The following NCOR1 variants were observed in gnomAD, a reference collection of about 807,000 sequenced individuals.
NCOR1 encodes protein phosphatase 1, regulatory subunit 109.
In NCOR1, 63 loss-of-function variants were observed where a neutral mutation model predicts 288.1. The observed-to-expected ratio is 0.22, with a 90% CI of 0.18 to 0.27. The LOEUF is 0.27. Among genes scored for constraint, NCOR1 ranks in the 10% least tolerant of loss-of-function variants. The pLI is 1.00. For synonymous variants in NCOR1, 1,007 were observed against 1,065.9 expected (o/e 0.94, Z 1.08); for missense variants, 2,397 against 3,019.2 (o/e 0.79, Z 4.83).
At position 16,071,567 on chromosome 17, in the gene NCOR1, T is replaced by C; in HGVS notation, c.3994A>G (p.Ile1332Val). Residue 1332 changes from isoleucine to valine, a missense_variant, in exon 30 of 46, where the codon ATT becomes GTT. Ile to Val is a conservative substitution (Grantham distance 29). Coordinates refer to ENST00000268712, the MANE Select transcript of NCOR1 (RefSeq NM_006311.4). Reference protein sequence around the residue: ...SPPIRAFEGAITKGKPYDGIT... With the variant: ...SPPIRAFEGAVTKGKPYDGIT... ...CCATCATATGGTTTTCCTTTGGTAATGGCACCTTCAAATGCTCGTATGGGA... is the reference window on the plus strand; with the variant it reads ...CCATCATATGGTTTTCCTTTGGTAACGGCACCTTCAAATGCTCGTATGGGA... 1 of 1,614,134 alleles carries C rather than the reference T, an allele frequency of 6.2e-7. No homozygotes were observed. The highest frequency in any genetic ancestry group is 1.3e-5 in the African/African-American group (1 of 75,042).
intron 40 of NCOR1, among the ~76,000 whole-genome samples, chr17:16,050,550 A>G (rs1334345468): frequency 6.6e-6 from 1 of 152,180 alleles, no homozygotes; most frequent in Non-Finnish European, 1.5e-5. Flanking sequence ...CATAGCGATT[A>G]TGCATATGAA....
At chr17:16,044,978 T>A in intron 42 of NCOR1, 1 of 508,854 alleles carries the variant, frequency 2.0e-6, no homozygotes, top group Non-Finnish European at 3.5e-6. Context: ...TATAACGTGT[T>A]CAATACAAAG....
chr17:16,112,816 T>C (rs1035616391), intron 18 of NCOR1, among the ~76,000 whole-genome samples: 7 of 151,790 alleles, frequency 4.6e-5, no homozygotes, highest in African/African-American at 1.2e-4. Flanking sequence ...GGGAGAAATA[T>C]AGACAGCCAG....
intron 13 of NCOR1, 47 bp downstream of exon 13, chr17:16,138,111 C>G (rs749553172): frequency 6.7e-7 from 1 of 1,499,472 alleles, no homozygotes; most frequent in South Asian, 1.2e-5. Context: ...TTCAAAGTAA[C>G]AACCATCACA....
chr17:16,082,792 G>T (rs1285091722), intron 23 of NCOR1, among the ~76,000 whole-genome samples: 1 of 64,520 alleles, frequency 1.5e-5, no homozygotes, highest in African/African-American at 6.1e-5. Context: ...CAAAGAGAAA[G>T]AAATCATTAA....
intron 22 of NCOR1, among the ~76,000 whole-genome samples, chr17:16,087,638 C>T (rs971571531): frequency 5.9e-5 from 9 of 152,184 alleles, no homozygotes; most frequent in African/African-American, 2.2e-4. Flanking sequence ...AGGCAAACAT[C>T]AGATTATCAA....
chr17:16,086,212 G>A lies in NCOR1; in HGVS notation c.3177+70C>T, dbSNP rs1317776492. ...TATTACAACTCTGACAAATCAGTGC[G>A]AGGAGGGAGGACAAGTTTTAACAAA... On this transcript the variant is annotated intron_variant, in intron 23 of 45. Transcript: ENST00000268712. 7.5e-6 allele frequency: 11 copies of A among 1,459,964 alleles called. 1 individual carries two copies. Among genetic ancestry groups the A allele is most frequent in the Middle Eastern group, 2.4e-4 (1 of 4,134 alleles). The allele number at this position is 1,459,964 out of a possible 1,614,324, so 90.4% of individuals were successfully genotyped here.
intron 18 of NCOR1, 118 bp from the exon 19 acceptor site, chr17:16,109,030 T>C: frequency 1.2e-6 from 1 of 823,646 alleles, no homozygotes; most frequent in Non-Finnish European, 1.7e-6. Flanking sequence ...AGGTCACATG[T>C]TTGACAATAG....
intron 42 of NCOR1, among the ~76,000 whole-genome samples, chr17:16,042,582 T>C (rs1291485302): frequency 6.6e-6 from 1 of 152,224 alleles, no homozygotes; most frequent in Non-Finnish European, 1.5e-5. Context: ...TCCAGGTGAC[T>C]GGTACCTACT....
chr17:16,080,130 G>C, intron 25 of NCOR1, 66 bp from the exon 26 acceptor site: 1 of 1,344,376 alleles, frequency 7.4e-7, no homozygotes, highest in Non-Finnish European at 1.1e-6. Context: ...TAAAAAAACA[G>C]CCCCTACTTG....
At position 16,215,432 on chromosome 17, in the gene NCOR1, G is replaced by A. The variant is rs2092468897; in HGVS notation, c.-141C>T. On this transcript the variant is annotated 5_prime_UTR_variant, in exon 1 of 46. Transcript: ENST00000268712. ...GAGTGGGACGCGGCCACGGCGCGCG[G>A]CCCTACACCGGGACCTCGTTCGGCG... 1 of 397,018 alleles carries A rather than the reference G, an allele frequency of 2.5e-6. No homozygotes were observed. Among genetic ancestry groups the A allele is most frequent in the Non-Finnish European group, 4.4e-6 (1 of 224,956 alleles). 24.6% of individuals were successfully genotyped at this position (397,018 alleles called of 1,614,324 possible). A position where few individuals can be genotyped will look rare whatever the true frequency, so the allele number is the denominator to read the frequency against.
chr17:16,127,602 CATACATATGTGT>C (rs2074800264), intron 14 of NCOR1, among the ~76,000 whole-genome samples: 2 of 115,052 alleles, frequency 1.7e-5, no homozygotes, highest in Non-Finnish European at 3.4e-5. Context: ...TGTATGTATA[CATACATATGTGT>C]ATGTGTATAT....
chr17:16,040,861 C>T (rs1463094678), intron 42 of NCOR1: 1 of 204,286 alleles, frequency 4.9e-6, no homozygotes, highest in African/African-American at 2.4e-5. Flanking sequence ...GAGACTCTCC[C>T]ATCTGTTTAC....
rs549300333 is a variant in NCOR1 at position 16,105,017 on chromosome 17, T to C, written c.2183-3260A>G. 3.3e-5 allele frequency among the ~76,000 whole-genome samples: 5 copies of C among 152,198 alleles called. No individual in the cohort carries two copies. The East Asian group carries it at 5.8e-4, about 18-fold the overall frequency. ...CCCAGGAACAGCAAAGAGGACAGTG[T>C]GGTTGGAGCAGAGGGGGCCAACAAA... is the stretch of plus-strand genomic sequence containing the variant. On this transcript the variant is annotated intron_variant, in intron 19 of 45. Transcript: ENST00000268712.
chr17:16,192,230 G>C (rs2088569176), intron 2 of NCOR1: 1 of 150,976 alleles, frequency 6.6e-6, no homozygotes, highest in Admixed American at 6.7e-5. Context: ...GTAACCAGAG[G>C]AGACCAGACA....
intron 7 of NCOR1, among the ~76,000 whole-genome samples, 178 bp downstream of exon 7, chr17:16,153,151 TTCTGCAAAGG>T (rs1266170303): frequency 1.3e-5 from 2 of 152,204 alleles, no homozygotes; most frequent in African/African-American, 4.8e-5. Context: ...AGGGTGATGT[TTCTGCAAAGG>T]TCTGCAAAGG....
chr17:16,156,262 C>G (rs2079762076), intron 6 of NCOR1, among the ~76,000 whole-genome samples: 1 of 151,696 alleles, frequency 6.6e-6, no homozygotes, highest in Admixed American at 6.6e-5. Context: ...ACGGTAAAAC[C>G]CCATCTCTAC....
intron 42 of NCOR1, chr17:16,044,574 C>A: frequency 1.9e-6 from 1 of 524,808 alleles, no homozygotes; most frequent in South Asian, 1.5e-5. Flanking sequence ...CTTCATCCGG[C>A]AACTACCACC....
chr17:16,099,154 C>G (rs542233467), intron 20 of NCOR1, among the ~76,000 whole-genome samples: 1 of 152,328 alleles, frequency 6.6e-6, no homozygotes, highest in African/African-American at 2.4e-5. Flanking sequence ...GCAGCCGCCA[C>G]CCCGCTCACA....
Sources: gnomAD v4.1 joint callset for allele counts (sites outside exome capture counted in the v4.1 genomes callset) on GRCh38, gnomAD v4.1.1 for gene constraint, MANE v1.5 for transcripts, NCBI Gene and HGNC (gene_info 2026-07-23, HGNC 2026-07-21) for gene names.